MYSM1: variants seen among roughly 807,000 people sequenced by gnomAD.
MYSM1 encodes the protein deubiquitinase MYSM1.
In MYSM1, 51 loss-of-function variants were observed where a neutral mutation model predicts 116.0. The observed-to-expected ratio is 0.44, with a 90% CI of 0.35 to 0.56. MYSM1 has a LOEUF of 0.56. Ranked by LOEUF, MYSM1 falls within the 20% of genes least tolerant of loss-of-function variation. The pLI, the probability that MYSM1 is intolerant of heterozygous loss-of-function variation, is 0.00. For missense variants in MYSM1, 900 were observed against 974.9 expected (o/e 0.92, Z 1.02); for synonymous variants, 313 against 315.2 (o/e 0.99, Z 0.07).
chr1:58,676,945 T>G lies in MYSM1; in HGVS notation c.1371A>C (p.Gly457=). Residue 457 remains glycine, a synonymous_variant, in exon 9 of 20, where the codon GGA becomes GGC. Transcript: ENST00000472487. ...GRIHTYLELI[G]AINFGCEQAV... is the part of the protein sequence containing the mutation. Reference sequence around the variant, plus strand: ...TTTTACCACATCCAAAATTGATTGCTCCTATCAATTCGAGGTATGTATGAA... The same window carrying G: ...TTTTACCACATCCAAAATTGATTGCGCCTATCAATTCGAGGTATGTATGAA... The G allele has an allele frequency of 1.2e-6, 2 of 1,611,560 alleles. No individual in the cohort carries two copies. Among genetic ancestry groups the G allele is most frequent in the Non-Finnish European group, 1.7e-6 (2 of 1,178,978 alleles).
intron 6 of MYSM1, 87 bp from the exon 7 acceptor site, chr1:58,685,338 A>C (rs566244774): frequency 1.4e-4 from 97 of 675,222 alleles, no homozygotes; most frequent in Non-Finnish European, 2.0e-4. Context: ...AAAAAAAAAA[A>C]CTTAAAAAAA....
At chr1:58,689,485 T>C (rs540604021) in intron 5 of MYSM1, 7 of 161,952 alleles carry the variant, frequency 4.3e-5, no homozygotes, top group South Asian at 3.9e-4. Flanking sequence ...AGAGTTTAAA[T>C]TGGTTCCACA....
intron 6 of MYSM1, among the ~76,000 whole-genome samples, chr1:58,687,708 C>G (rs767658072): frequency 3.3e-5 from 5 of 152,096 alleles, no homozygotes; most frequent in Non-Finnish European, 7.4e-5. Flanking sequence ...ACCTGAACAC[C>G]ACAACGACAT....
intron 1 of MYSM1, among the ~76,000 whole-genome samples, chr1:58,697,211 G>A (rs1644988045): frequency 6.6e-6 from 1 of 151,404 alleles, no homozygotes; most frequent in Non-Finnish European, 1.5e-5. Context: ...GGGTGACTGG[G>A]TGTGTGTAGG....
At chr1:58,693,602 C>T (rs1331580889) in intron 2 of MYSM1, among the ~76,000 whole-genome samples, 2 of 152,116 alleles carry the variant, frequency 1.3e-5, no homozygotes, top group Non-Finnish European at 2.9e-5. Flanking sequence ...CTTTGATGCC[C>T]ATATCCAATC....
rs2100649719 is a variant in MYSM1, at chr1:58,682,149, C to T, written c.895G>A (p.Glu299Lys). The T allele has an allele frequency of 2.5e-6, 4 of 1,613,338 alleles. No homozygotes were observed. In the South Asian group the frequency reaches 4.4e-5, roughly 18 times the overall value. The change falls in exon 8 of 20, where the codon GAG becomes AAG. Residue 299 changes from glutamate (E) to lysine (K), a missense_variant. Around this residue, in one of 3 missense-constraint regions of MYSM1, gnomAD observed 622 missense variants for 623.7 expected, o/e 1.00. Transcript: ENST00000472487. ...TTTTTGTCACCATTGCTCTGTTTCT[C>T]AGTCCACAGTGTAATTTCTGAGCTT... ...LSSSEITLWT[E>K]KQSNGDKKSI...
At position 58,669,045 on chromosome 1, in the gene MYSM1, A is replaced by G; in HGVS notation, c.1662-7T>C. Reference sequence around the variant, plus strand: ...TTGGAAGGGATCAAACGAGCTGAAAAAGAAAAAAAATTTTCAATACAATCT... The same window carrying G: ...TTGGAAGGGATCAAACGAGCTGAAAGAGAAAAAAAATTTTCAATACAATCT... On this transcript the variant is annotated splice_polypyrimidine_tract_variant and splice_region_variant and intron_variant, in intron 12 of 19. Coordinates refer to ENST00000472487, the MANE Select transcript of MYSM1 (RefSeq NM_001085487.3). The G allele has an allele frequency of 6.3e-7, 1 of 1,578,522 alleles. No individual in the cohort carries two copies. Among genetic ancestry groups the G allele is most frequent in the East Asian group, 2.3e-5 (1 of 44,366 alleles).
rs770840414 is a variant in MYSM1 at position 58,682,119 on chromosome 1, T to C, written c.925A>G (p.Ile309Val). The change falls in exon 8 of 20, where the codon ATT becomes GTT. Residue 309 changes from isoleucine to valine, a missense_variant. By Grantham distance (29) the Ile-to-Val change is conservative (BLOSUM62 3). Transcript: ENST00000472487. ...EKQSNGDKKS[I>V]ELNDQKFNEL... ...TTAAATTTCTGGTCATTTAATTCAATTGATTTTTTGTCACCATTGCTCTGT... is the reference window on the plus strand; with the variant it reads ...TTAAATTTCTGGTCATTTAATTCAACTGATTTTTTGTCACCATTGCTCTGT... The C allele has an allele frequency of 1.4e-5, 23 of 1,613,756 alleles. No homozygotes were observed. Among genetic ancestry groups the C allele is most frequent in the South Asian group, 4.4e-5 (4 of 91,052 alleles).
chr1:58,676,576 T>C (rs554318), intron 9 of MYSM1, among the ~76,000 whole-genome samples: 95,238 of 151,968 alleles, frequency 0.63, 30,049 homozygotes, highest in African/African-American at 0.69. Context: ...CATTGCTAGG[T>C]AGTATTTCTA....
chr1:58,661,107 C>T, intron 19 of MYSM1, 63 bp downstream of exon 19: 2 of 1,219,548 alleles, frequency 1.6e-6, no homozygotes, highest in Non-Finnish European at 2.4e-6. Context: ...TGGGAAAACA[C>T]ATTGAGATGA....
chr1:58,680,601 A>C (rs1001301034), intron 8 of MYSM1, among the ~76,000 whole-genome samples: 4 of 152,142 alleles, frequency 2.6e-5, no homozygotes, highest in Non-Finnish European at 5.9e-5. Flanking sequence ...GGGTAAAATG[A>C]AGGTTACCGA....
intron 3 of MYSM1, among the ~76,000 whole-genome samples, chr1:58,691,649 C>A (rs183051513): frequency 2.0e-5 from 3 of 151,954 alleles, no homozygotes; most frequent in Non-Finnish European, 2.9e-5. Context: ...AGGTAGATCC[C>A]GAGGTCAGGA....
intron 2 of MYSM1, among the ~76,000 whole-genome samples, chr1:58,694,375 C>A (rs1484373307): frequency 1.3e-5 from 2 of 152,174 alleles, no homozygotes; most frequent in Non-Finnish European, 2.9e-5. Context: ...GTAATCCCAC[C>A]ACTTTGGGAG....
intron 6 of MYSM1, among the ~76,000 whole-genome samples, chr1:58,687,902 A>C (rs1644850453): frequency 6.6e-6 from 1 of 152,076 alleles, no homozygotes. Context: ...GCTGGACATA[A>C]AGCCTGCATT....
chr1:58,680,027 A>G (rs1644714909), intron 8 of MYSM1, among the ~76,000 whole-genome samples: 1 of 6,568 alleles, frequency 1.5e-4, no homozygotes. Flanking sequence ...ACTCTGTCTC[A>G]AAAAAAAAAA....
At position 58,698,102 on chromosome 1, in the gene MYSM1, A is replaced by ATATATATTTTT; in HGVS notation, c.68+1882_68+1883insAAAAATATATA. Among the ~76,000 whole-genome samples, 20 of 7,772 alleles carry ATATATATTTTT rather than the reference A, an allele frequency of 2.6e-3. 2 individuals are homozygous for ATATATATTTTT. The highest frequency in any genetic ancestry group is 5.1e-3 in the African/African-American group (20 of 3,894). The allele number at this position is 7,772 out of a possible 152,430, so 5.1% of individuals were successfully genotyped here. On this transcript the variant is annotated intron_variant, in intron 1 of 19. Transcript: ENST00000472487. ...TATCAGACTATATATATATATATATATTTTTTTTTTTTTTTTGAGACAGAG... is the reference window on the plus strand; with the variant it reads ...TATCAGACTATATATATATATATATATATATATTTTTTTTTTTTTTTTTTTTTGAGACAGAG...
chr1:58,675,754 G>A (rs982093618), intron 9 of MYSM1, among the ~76,000 whole-genome samples, 174 bp from the exon 10 acceptor site: 2 of 152,202 alleles, frequency 1.3e-5, no homozygotes, highest in African/African-American at 4.8e-5. Context: ...GTTATTATAA[G>A]AAAATCTTAA....
chr1:58,687,640 A>G (rs1412219948), intron 6 of MYSM1, among the ~76,000 whole-genome samples: 1 of 152,200 alleles, frequency 6.6e-6, no homozygotes, highest in Non-Finnish European at 1.5e-5. Flanking sequence ...CAAGACAAAC[A>G]AAGGCCCAAC....
intron 7 of MYSM1, among the ~76,000 whole-genome samples, chr1:58,684,053 G>A (rs760946429): frequency 1.3e-5 from 2 of 152,070 alleles, no homozygotes; most frequent in Non-Finnish European, 2.9e-5. Context: ...ACCCTGGTGA[G>A]CTGCCTTGAA....
Sources: allele counts gnomAD v4.1 joint callset (sites outside exome capture counted in the v4.1 genomes callset), GRCh38; gene constraint gnomAD v4.1.1; regional missense constraint gnomAD v4.1.1; transcripts MANE v1.5; gene names NCBI Gene and HGNC (gene_info 2026-07-23, HGNC 2026-07-21).